LINGO2: variants seen among roughly 807,000 people sequenced by gnomAD.
The protein encoded by LINGO2 is leucine rich repeat and Ig domain containing 2, also known as leucine-rich repeat and immunoglobulin-like domain-containing nogo receptor-interacting protein 2.
LINGO2 carries 14 observed loss-of-function variants against 30.6 expected under a neutral mutation model. The observed-to-expected ratio is 0.46, with a 90% CI of 0.30 to 0.72. The LOEUF (loss-of-function observed/expected upper bound fraction) is 0.72. Ranked by LOEUF, LINGO2 falls within the 30% of genes least tolerant of loss-of-function variation. The probability of loss-of-function intolerance (pLI) is 0.07; values close to 1 mark genes in which losing one functional copy is unlikely to be tolerated. For synonymous variants in LINGO2, 317 were observed against 288.5 expected (o/e 1.10, Z -1.00); for missense variants, 729 against 751.7 (o/e 0.97, Z 0.35).
upstream of LINGO2, among the ~76,000 whole-genome samples, chr9:28,670,494 G>A (rs985162335): frequency 1.3e-5 from 2 of 152,092 alleles, no homozygotes; most frequent in African/African-American, 4.8e-5. Flanking sequence ...ATAGACCCTA[G>A]ATTATGACAT....
the LINGO2 span, among the ~76,000 whole-genome samples, chr9:28,794,672 G>T: frequency 2.6e-5 from 4 of 152,046 alleles, 1 homozygote; most frequent in Non-Finnish European, 5.9e-5. Context: ...ATTTATTCTG[G>T]AAGTGTAATT....
At chr9:28,532,293 A>G (rs906299552) in intron 1 of LINGO2, among the ~76,000 whole-genome samples, 31 of 152,182 alleles carry the variant, frequency 2.0e-4, no homozygotes, top group Admixed American at 3.9e-4. Context: ...CATATCAGCA[A>G]ATCAGGAGAA....
At chr9:29,173,697 G>GTGAAACAA in the LINGO2 span, among the ~76,000 whole-genome samples, 1 of 152,052 alleles carries the variant, frequency 6.6e-6, no homozygotes, top group African/African-American at 2.4e-5. Context: ...GAAATTAAGT[G>GTGAAACAA]TCATGAAGAA....
the LINGO2 span, among the ~76,000 whole-genome samples, chr9:29,003,380 T>C: frequency 1.3e-5 from 2 of 151,978 alleles, no homozygotes; most frequent in Non-Finnish European, 2.9e-5. Context: ...TAGGATTAAG[T>C]GACTATCATT....
intron 5 of LINGO2, among the ~76,000 whole-genome samples, chr9:28,004,520 TTA>T (rs1168919836): frequency 6.6e-6 from 1 of 152,236 alleles, no homozygotes; most frequent in African/African-American, 2.4e-5. Context: ...GTTCTGACAC[TTA>T]TGAGTCATTT....
intron 4 of LINGO2, among the ~76,000 whole-genome samples, chr9:28,048,517 A>C (rs1824525094): frequency 6.6e-6 from 1 of 150,892 alleles, no homozygotes; most frequent in African/African-American, 2.4e-5. Flanking sequence ...ATTCATTGCC[A>C]GTGAAAGTAA....
intron 4 of LINGO2, among the ~76,000 whole-genome samples, chr9:28,202,797 A>G (rs1327943418): frequency 1.3e-5 from 2 of 152,174 alleles, no homozygotes; most frequent in East Asian, 1.9e-4. Flanking sequence ...GAAGTGCTCA[A>G]TGTATGTTCT....
chr9:28,799,221 A>T, the LINGO2 span, among the ~76,000 whole-genome samples: 3 of 152,062 alleles, frequency 2.0e-5, no homozygotes, highest in African/African-American at 7.2e-5. Flanking sequence ...TATGTCAATC[A>T]TCAAGAAATT....
chr9:28,790,397 C>G, the LINGO2 span, among the ~76,000 whole-genome samples: 2 of 139,028 alleles, frequency 1.4e-5, no homozygotes, highest in Admixed American at 1.6e-4. Flanking sequence ...CGTGCGATCT[C>G]GGCTCACTGA....
intron 4 of LINGO2, among the ~76,000 whole-genome samples, chr9:28,293,535 C>A (rs1331667939): frequency 3.3e-5 from 5 of 151,830 alleles, no homozygotes; most frequent in Admixed American, 3.3e-4. Context: ...ATTACCTATG[C>A]AGTTGAAAAG....
intron 4 of LINGO2, among the ~76,000 whole-genome samples, chr9:28,063,434 C>CT (rs1825217119): frequency 6.8e-5 from 1 of 14,736 alleles, no homozygotes; most frequent in Non-Finnish European, 1.7e-4. Context: ...TTATTATCCA[C>CT]ATTTTTTTTT....
At chr9:28,312,155 C>CTTT (rs72304845) in intron 3 of LINGO2, among the ~76,000 whole-genome samples, 1 of 143,254 alleles carries the variant, frequency 7.0e-6, no homozygotes, top group Non-Finnish European at 1.5e-5. Flanking sequence ...TTTCTTTTTT[C>CTTT]TTTTTTTTGT....
the LINGO2 span, among the ~76,000 whole-genome samples, chr9:28,975,923 T>C: frequency 1.3e-5 from 2 of 152,330 alleles, no homozygotes; most frequent in South Asian, 4.1e-4. Context: ...TAACTGTAAG[T>C]CTTCAGCACT....
chr9:28,631,461 A>G (rs992246697), intron 1 of LINGO2, among the ~76,000 whole-genome samples: 1 of 152,142 alleles, frequency 6.6e-6, no homozygotes, highest in Non-Finnish European at 1.5e-5. Context: ...AGCTTTCTAC[A>G]TATGGCTAGC....
In LINGO2 at chr9:28,314,959, G is replaced by T. The variant is rs553351812; in HGVS notation, c.-245-19593C>A. On this transcript the variant is annotated intron_variant, in intron 3 of 5. Transcript: ENST00000379992. ...GAGATGGCGGAGTTCGCAGTGAGCCGAGATCGCGCCACTCCAGTCCAGCCT... is the reference window on the plus strand; with the variant it reads ...GAGATGGCGGAGTTCGCAGTGAGCCTAGATCGCGCCACTCCAGTCCAGCCT... Among the ~76,000 whole-genome samples the T allele has an allele frequency of 4.0e-5, 6 of 148,724 alleles. 1 individual carries two copies. The Admixed American group carries it at 4.1e-4, about 10-fold the overall frequency.
At chr9:29,124,811 T>G in the LINGO2 span, among the ~76,000 whole-genome samples, 2 of 152,272 alleles carry the variant, frequency 1.3e-5, no homozygotes, top group Admixed American at 6.5e-5. Context: ...ACACTGTTTT[T>G]GGGAGAGTAA....
At chr9:28,088,870 A>T (rs1478277837) in intron 4 of LINGO2, among the ~76,000 whole-genome samples, 1 of 152,170 alleles carries the variant, frequency 6.6e-6, no homozygotes, top group East Asian at 1.9e-4. Flanking sequence ...ATGGAGGAAG[A>T]TCTACCAAGC....
chr9:29,067,308 T>C, the LINGO2 span, among the ~76,000 whole-genome samples: 1 of 151,734 alleles, frequency 6.6e-6, no homozygotes, highest in African/African-American at 2.4e-5. Context: ...ACCGTAGTGA[T>C]ACACTGCAAG....
At chr9:28,397,692 T>G (rs1470796722) in intron 2 of LINGO2, among the ~76,000 whole-genome samples, 1 of 151,526 alleles carries the variant, frequency 6.6e-6, no homozygotes, top group African/African-American at 2.4e-5. Flanking sequence ...GGACTACAGG[T>G]GCCCGCCACC....
Sources: gnomAD v4.1 joint callset for allele counts (sites outside exome capture counted in the v4.1 genomes callset) on GRCh38, gnomAD v4.1.1 for gene constraint, MANE v1.5 for transcripts, NCBI Gene and HGNC (gene_info 2026-07-23, HGNC 2026-07-21) for gene names.